Variants in TASOR2 observed in about 807,000 individuals in gnomAD.
The protein encoded by TASOR2 is protein TASOR 2.
A neutral mutation model predicts 199.5 loss-of-function variants in TASOR2; 84 were observed. That is an observed-to-expected ratio of 0.42 (90% CI 0.35 to 0.50). The LOEUF (loss-of-function observed/expected upper bound fraction) is 0.50. TASOR2 is among the 20% of genes least tolerant of loss of function. TASOR2 has a pLI of 0.02. For missense variants in TASOR2, 2,796 were observed against 2,835.9 expected (o/e 0.99, Z 0.32); for synonymous variants, 1,103 against 1,046.6 (o/e 1.05, Z -1.04).
intron 18 of TASOR2, among the ~76,000 whole-genome samples, chr10:5,760,519 T>C (rs969812154): frequency 3.9e-5 from 6 of 152,202 alleles, no homozygotes; most frequent in African/African-American, 1.2e-4. Flanking sequence ...GAGGGAGATA[T>C]GCAGACTACA....
chr10:5,715,338 CA>C (rs900905466), intron 2 of TASOR2, among the ~76,000 whole-genome samples: 5 of 151,562 alleles, frequency 3.3e-5, no homozygotes, highest in African/African-American at 1.2e-4. Flanking sequence ...AATTTTAGAC[CA>C]TTTTTTTCAC....
At chr10:5,717,479 T>A (rs1832806204) in intron 2 of TASOR2, among the ~76,000 whole-genome samples, 180 bp from the exon 4 acceptor site, 1 of 152,200 alleles carries the variant, frequency 6.6e-6, no homozygotes, top group Non-Finnish European at 1.5e-5. Flanking sequence ...TTGCCTCAGT[T>A]GAGGAATAGC....
At chr10:5,711,008 A>G (rs1010651893) in intron 1 of TASOR2, among the ~76,000 whole-genome samples, 1 of 152,112 alleles carries the variant, frequency 6.6e-6, no homozygotes, top group Non-Finnish European at 1.5e-5. Flanking sequence ...ATTTGCATCT[A>G]TTCAGAATAT....
At chr10:5,718,602 T>TA (rs1832949502) in intron 3 of TASOR2, among the ~76,000 whole-genome samples, 1 of 151,590 alleles carries the variant, frequency 6.6e-6, no homozygotes, top group African/African-American at 2.4e-5. Context: ...ACTAAAAGTA[T>TA]AAAAAAATTA....
Position 5,685,208 on chromosome 10 carries a change from C to A in TASOR2, c.-288+33C>A, listed in dbSNP as rs1835667120. The A allele has an allele frequency of 2.5e-6, 1 of 397,708 alleles. No homozygotes were observed. Among genetic ancestry groups the A allele is most frequent in the South Asian group, 1.3e-4 (1 of 7,858 alleles). 24.6% of individuals were successfully genotyped at this position (397,708 alleles called of 1,614,324 possible). On this transcript the variant is annotated intron_variant, in intron 1 of 20. Coordinates refer to ENST00000328090, the Ensembl canonical transcript of TASOR2. This position sits in a 1 kb window ranked among gnomAD's most constrained non-coding sequence, Gnocchi z 5.4. Reference sequence around the variant, plus strand: ...CCTCCTCGGCCTGGGCGCCCGGGAACCCTGCGAGGAGGACGGCGGGTCCCC... The same window carrying A: ...CCTCCTCGGCCTGGGCGCCCGGGAAACCTGCGAGGAGGACGGCGGGTCCCC...
intron 7 of TASOR2, 22 bp downstream of exon 8, chr10:5,723,799 C>A (rs760650370): frequency 2.0e-6 from 3 of 1,487,912 alleles, no homozygotes; most frequent in East Asian, 2.4e-5. Context: ...TGTAATAACA[C>A]GCTACTTGTC....
exon 21 of TASOR2, chr10:5,763,071 A>G (rs764062044): frequency 5.0e-6 from 8 of 1,605,266 alleles, no homozygotes; most frequent in Non-Finnish European, 6.0e-6. Flanking sequence ...GATGCCAATA[A>G]AAAATTAGTA....
chr10:5,700,815 T>C (rs2131517557), intron 1 of TASOR2, among the ~76,000 whole-genome samples: 1 of 151,866 alleles, frequency 6.6e-6, no homozygotes, highest in Admixed American at 6.6e-5. Flanking sequence ...TGTGTGTGTG[T>C]TTGCTTGCTT....
At chr10:5,697,862 G>A (rs1001699398) in intron 1 of TASOR2, among the ~76,000 whole-genome samples, 3 of 152,090 alleles carry the variant, frequency 2.0e-5, no homozygotes, top group African/African-American at 7.2e-5. Flanking sequence ...TGACTGTCTG[G>A]TAGATGGTAT....
intron 1 of TASOR2, among the ~76,000 whole-genome samples, chr10:5,688,509 C>CTA (rs1836053410): frequency 6.9e-6 from 1 of 145,768 alleles, no homozygotes; most frequent in African/African-American, 2.6e-5. Flanking sequence ...AGCACTGGGA[C>CTA]TATAACATCC....
intron 11 of TASOR2, among the ~76,000 whole-genome samples, chr10:5,735,056 A>C (rs557422253): frequency 1.9e-4 from 29 of 151,872 alleles, no homozygotes; most frequent in Non-Finnish European, 4.0e-4. Context: ...TATTACTCTG[A>C]TCTTTTTCTT....
At chr10:5,749,532 C>G (rs201588583) in exon 15 of TASOR2, 3 of 1,614,088 alleles carry the variant, frequency 1.9e-6, no homozygotes, top group Non-Finnish European at 2.5e-6. Context: ...GGAGCAGAAG[C>G]CCCCTTCTGG....
In TASOR2 at chr10:5,747,322, G is replaced by T. The variant is rs374970397; in HGVS notation, c.3901G>T (p.Gly1301Cys). 3.9e-5 allele frequency: 63 copies of T among 1,613,990 alleles called. No individual in the cohort carries two copies. Among genetic ancestry groups the T allele is most frequent in the Non-Finnish European group, 5.3e-5 (62 of 1,180,036 alleles). Residue 1301 changes from glycine (G) to cysteine (C), a missense_variant, in exon 15 of 21, where the codon GGT becomes TGT. Physicochemically the swap from Gly to Cys is radical, Grantham distance 159. Transcript: ENST00000328090. ...AAGTCCCAGAGAAGAAATGCCAGCT[G>T]GTGAAATAGAGCAATTTGAGGAGGC...
rs1226754826 is a variant in TASOR2 at position 5,701,243 on chromosome 10, T to G, written c.-287-11580T>G. 1.3e-5 allele frequency among the ~76,000 whole-genome samples: 2 copies of G among 152,208 alleles called. No homozygotes were observed. The highest frequency in any genetic ancestry group is 4.8e-5 in the African/African-American group (2 of 41,452). Reference sequence around the variant, plus strand: ...CCACCGTTTATCAAAGAGACTGTCCTTTTCCCATTGTATGTTTTAGCTCCT... The same window carrying G: ...CCACCGTTTATCAAAGAGACTGTCCGTTTCCCATTGTATGTTTTAGCTCCT... On this transcript the variant is annotated intron_variant, in intron 1 of 20. Coordinates refer to ENST00000328090, the Ensembl canonical transcript of TASOR2. This position sits in a 1 kb window ranked among gnomAD's most constrained non-coding sequence, Gnocchi z 4.9.
rs923498637 is a variant in TASOR2, at chr10:5,737,628, C to G, written c.1448-1990C>G. 2.6e-5 allele frequency among the ~76,000 whole-genome samples: 4 copies of G among 152,140 alleles called. No homozygotes were observed. Among genetic ancestry groups the G allele is most frequent in the African/African-American group, 7.2e-5 (3 of 41,410 alleles). On this transcript the variant is annotated intron_variant, in intron 12 of 20. Coordinates refer to ENST00000328090, the Ensembl canonical transcript of TASOR2. This position sits in a 1 kb window ranked among gnomAD's most constrained non-coding sequence, Gnocchi z 4.9. ...CTCATGTTGTGACTGTAACTAATCT[C>G]TCACTTCTTTGGGATATTTGAGAAC...
In TASOR2 at chr10:5,748,084, G is replaced by T. The variant is rs754308982; in HGVS notation, c.4663G>T (p.Val1555Phe). ...AAAATCAGGAAATCCATTGCAGCCAGTTAGTATAGAGAATAGAAATTTGGA... is the reference window on the plus strand; with the variant it reads ...AAAATCAGGAAATCCATTGCAGCCATTTAGTATAGAGAATAGAAATTTGGA... The change falls in exon 15 of 21, where the codon GTT becomes TTT. Residue 1555 changes from valine (V) to phenylalanine (F), a missense_variant. By Grantham distance (50) the Val-to-Phe change is conservative. Transcript: ENST00000328090. This position sits in a 1 kb window ranked among gnomAD's most constrained non-coding sequence, Gnocchi z 5.1. 1 of 1,614,238 alleles carries T rather than the reference G, an allele frequency of 6.2e-7. No individual in the cohort carries two copies. Among genetic ancestry groups the T allele is most frequent in the Admixed American group, 1.7e-5 (1 of 60,028 alleles).
chr10:5,735,200 G>A (rs1835401301), intron 11 of TASOR2, 104 bp from the exon 13 acceptor site: 1 of 1,394,024 alleles, frequency 7.2e-7, no homozygotes, highest in African/African-American at 1.4e-5. Flanking sequence ...CATTACTAAA[G>A]TTACTGTCCC....
At position 5,748,247 on chromosome 10, in the gene TASOR2, C is replaced by G. The variant is rs1837501335; in HGVS notation, c.4826C>G (p.Thr1609Ser). Residue 1609 changes from threonine to serine, a missense_variant, in exon 15 of 21, where the codon ACT becomes AGT. By Grantham distance (58) the Thr-to-Ser change is moderately conservative. This residue lies in a region of TASOR2 where 1,941 missense variants were observed against 1,924.9 expected (regional missense o/e 1.01). Coordinates refer to ENST00000328090, the Ensembl canonical transcript of TASOR2. The surrounding 1 kb of genome is among the most constrained non-coding windows in gnomAD (Gnocchi z 5.1). Reference sequence around the variant, plus strand: ...GTGAATGTGTCAGTAAAACAGCAGACTAGCCCTAAAAGCAGTCAGAACCAT... The same window carrying G: ...GTGAATGTGTCAGTAAAACAGCAGAGTAGCCCTAAAAGCAGTCAGAACCAT... The G allele has an allele frequency of 3.1e-6, 5 of 1,614,080 alleles. No homozygotes were observed. Among genetic ancestry groups the G allele is most frequent in the Admixed American group, 1.7e-5 (1 of 60,002 alleles).
At chr10:5,703,099 A>C (rs922562680) in intron 1 of TASOR2, among the ~76,000 whole-genome samples, 12 of 152,228 alleles carry the variant, frequency 7.9e-5, no homozygotes, top group Non-Finnish European at 1.5e-4. Context: ...TTCTTGAGGA[A>C]ACATCTAGAA....
Sources: gnomAD v4.1 joint callset for allele counts (sites outside exome capture counted in the v4.1 genomes callset) on GRCh38, gnomAD v4.1.1 for gene constraint, gnomAD v4.1.1 regional missense constraint, Gnocchi (gnomAD v3.1) non-coding constraint, MANE v1.5 for transcripts, NCBI Gene and HGNC (gene_info 2026-07-23, HGNC 2026-07-21) for gene names.